The following CTNND2 variants were observed in gnomAD, a reference collection of about 807,000 sequenced individuals.
CTNND2 encodes the protein catenin delta-2.
A neutral mutation model predicts 144.4 loss-of-function variants in CTNND2; 22 were observed. That is an observed-to-expected ratio of 0.15 (90% CI 0.11 to 0.22). The LOEUF (loss-of-function observed/expected upper bound fraction) is 0.22, where lower values mean the gene tolerates loss of function less well. Ranked by LOEUF, CTNND2 falls within the 10% of genes least tolerant of loss-of-function variation. The pLI is 1.00. For synonymous variants in CTNND2, 751 were observed against 695.6 expected (o/e 1.08, Z -1.25); for missense variants, 1,353 against 1,618.8 (o/e 0.84, Z 2.82).
intron 12 of CTNND2, among the ~76,000 whole-genome samples, chr5:11,131,506 G>A (rs1424086868): frequency 3.3e-5 from 5 of 152,146 alleles, no homozygotes; most frequent in Non-Finnish European, 5.9e-5. Context: ...CAGCCTTTCC[G>A]GCTGGGCACA....
intron 9 of CTNND2, among the ~76,000 whole-genome samples, chr5:11,274,652 T>C (rs1419354696): frequency 6.6e-6 from 1 of 151,940 alleles, no homozygotes; most frequent in Non-Finnish European, 1.5e-5. Context: ...AGATTTAATC[T>C]ATTGGAAATA....
chr5:11,058,820 C>T (rs10474908), intron 16 of CTNND2, among the ~76,000 whole-genome samples: 36,812 of 152,206 alleles, frequency 0.24, 4,763 homozygotes, highest in Middle Eastern at 0.3. Flanking sequence ...TGGAAACCTA[C>T]CTCTCACATC....
At chr5:11,589,300 C>T (rs1160099354) in intron 2 of CTNND2, among the ~76,000 whole-genome samples, 8 of 151,010 alleles carry the variant, frequency 5.3e-5, no homozygotes, top group African/African-American at 2.0e-4. Flanking sequence ...CACACACACA[C>T]ACACACACAC....
intron 9 of CTNND2, among the ~76,000 whole-genome samples, chr5:11,295,189 A>C (rs1406661337): frequency 1.3e-5 from 2 of 152,070 alleles, no homozygotes; most frequent in South Asian, 2.1e-4. Context: ...ACACCAATAA[A>C]AGACAAACAA....
chr5:11,232,338 T>C (rs1372694307), intron 10 of CTNND2, among the ~76,000 whole-genome samples: 1 of 151,510 alleles, frequency 6.6e-6, no homozygotes, highest in Non-Finnish European at 1.5e-5. Flanking sequence ...CTGCAGACAC[T>C]CAACATCAGA....
chr5:11,686,920 A>G (rs2126639791), intron 2 of CTNND2, among the ~76,000 whole-genome samples: 1 of 150,332 alleles, frequency 6.7e-6, no homozygotes, highest in South Asian at 2.1e-4. Context: ...TAAAATATAG[A>G]CAAAAATAGA....
intron 9 of CTNND2, among the ~76,000 whole-genome samples, chr5:11,239,619 T>A (rs1742001107): frequency 6.6e-6 from 1 of 152,230 alleles, no homozygotes; most frequent in South Asian, 2.1e-4. Context: ...GCTCCCACCA[T>A]CCTTGAGAGT....
chr5:11,712,354 C>T (rs889264070), intron 2 of CTNND2, among the ~76,000 whole-genome samples: 1 of 151,916 alleles, frequency 6.6e-6, no homozygotes, highest in Non-Finnish European at 1.5e-5. Context: ...GAAATATTTT[C>T]AACAAAGTAC....
chr5:11,292,293 G>A (rs1034449271), intron 9 of CTNND2, among the ~76,000 whole-genome samples: 1 of 152,142 alleles, frequency 6.6e-6, no homozygotes, highest in African/African-American at 2.4e-5. Context: ...CGTAGTAGAT[G>A]TATTTAGTTA....
intron 1 of CTNND2, among the ~76,000 whole-genome samples, chr5:11,753,588 A>C (rs920579468): frequency 3.3e-5 from 5 of 151,692 alleles, no homozygotes; most frequent in Admixed American, 6.6e-5. Context: ...TTTGTTGATG[A>C]CTTTTTACAT....
At position 11,634,048 on chromosome 5, in the gene CTNND2, G is replaced by A. The variant is rs200820235; in HGVS notation, c.175-68992C>T. ...ATGCTTCTCCTGCACACAGCTCTCTGCCCCATGAGTTGGCACTGCCCATTT... is the reference window on the plus strand; with the variant it reads ...ATGCTTCTCCTGCACACAGCTCTCTACCCCATGAGTTGGCACTGCCCATTT... On this transcript the variant is annotated intron_variant, in intron 2 of 21. Transcript: ENST00000304623. 3.9e-5 allele frequency among the ~76,000 whole-genome samples: 6 copies of A among 152,094 alleles called. No homozygotes were observed. The East Asian group carries it at 7.7e-4, about 20-fold the overall frequency.
chr5:11,871,238 C>T (rs1004217163), intron 1 of CTNND2, among the ~76,000 whole-genome samples: 2 of 152,202 alleles, frequency 1.3e-5, no homozygotes, highest in African/African-American at 4.8e-5. Flanking sequence ...CTTGTTCTAG[C>T]AGGCACAAAC....
At chr5:11,774,566 A>T (rs1375727331) in intron 1 of CTNND2, among the ~76,000 whole-genome samples, 1 of 150,090 alleles carries the variant, frequency 6.7e-6, no homozygotes, top group Non-Finnish European at 1.5e-5. Flanking sequence ...AAAATTAAAA[A>T]AAAAAACAAT....
intron 7 of CTNND2, among the ~76,000 whole-genome samples, chr5:11,382,651 T>C (rs1482328697): frequency 1.4e-5 from 2 of 140,194 alleles, no homozygotes; most frequent in African/African-American, 5.6e-5. Flanking sequence ...GTGTGTAGAA[T>C]GATGAATTAG....
At chr5:11,717,730 G>C (rs1786432726) in intron 2 of CTNND2, among the ~76,000 whole-genome samples, 2 of 152,172 alleles carry the variant, frequency 1.3e-5, no homozygotes, top group African/African-American at 4.8e-5. Flanking sequence ...AGGCGAAAGA[G>C]AGATTGTGCA....
intron 3 of CTNND2, among the ~76,000 whole-genome samples, chr5:11,414,695 C>T (rs940584356): frequency 6.6e-6 from 1 of 152,120 alleles, no homozygotes; most frequent in Non-Finnish European, 1.5e-5. Flanking sequence ...TATTTCATCA[C>T]CCAGGAATTA....
chr5:11,216,187 C>T (rs757280847), intron 10 of CTNND2, among the ~76,000 whole-genome samples: 10 of 152,258 alleles, frequency 6.6e-5, no homozygotes, highest in East Asian at 1.9e-4. Flanking sequence ...GAGCATTTTC[C>T]GCACTCTAAT....
intron 12 of CTNND2, among the ~76,000 whole-genome samples, chr5:11,122,812 G>A (rs941680533): frequency 5.9e-5 from 9 of 151,908 alleles, no homozygotes; most frequent in Non-Finnish European, 1.2e-4. Flanking sequence ...CCGTCCCGTC[G>A]AAAAATGAAG....
chr5:11,509,940 T>A (rs1412848005), intron 3 of CTNND2, among the ~76,000 whole-genome samples: 1 of 152,154 alleles, frequency 6.6e-6, no homozygotes, highest in African/African-American at 2.4e-5. Context: ...TCGTTATTAT[T>A]TTTCTTTTAG....
Sources: gnomAD v4.1 joint callset for allele counts (sites outside exome capture counted in the v4.1 genomes callset) on GRCh38, gnomAD v4.1.1 for gene constraint, MANE v1.5 for transcripts, NCBI Gene and HGNC (gene_info 2026-07-23, HGNC 2026-07-21) for gene names.